RABGAP1L: variants seen among roughly 807,000 people sequenced by gnomAD.
The protein encoded by RABGAP1L is RAB GTPase activating protein 1 like.
RABGAP1L carries 63 observed loss-of-function variants against 137.7 expected under a neutral mutation model. The observed-to-expected ratio is 0.46, with a 90% CI of 0.37 to 0.56. RABGAP1L has a LOEUF of 0.56. Among genes scored for constraint, RABGAP1L ranks in the 20% least tolerant of loss-of-function variants. The pLI is 0.00. For missense variants in RABGAP1L, 1,095 were observed against 1,244.0 expected, an observed-to-expected ratio of 0.88 and a Z score of 1.80; for synonymous variants, 431 against 433.7, an observed-to-expected ratio of 0.99 and a Z score of 0.08.
intron 19 of RABGAP1L, among the ~76,000 whole-genome samples, chr1:174,913,623 G>T (rs1177018672): frequency 6.6e-6 from 1 of 152,164 alleles, no homozygotes; most frequent in African/African-American, 2.4e-5. Flanking sequence ...CTCTTCTCCT[G>T]GTTGGTTGCC....
At chr1:174,300,822 C>T (rs10912758) in intron 10 of RABGAP1L, among the ~76,000 whole-genome samples, 42,811 of 151,896 alleles carry the variant, frequency 0.28, 6,588 homozygotes, top group African/African-American at 0.4. Context: ...GCCAAGGTGG[C>T]GCCACTGCAC....
chr1:174,890,721 G>T (rs1000412295), intron 19 of RABGAP1L, among the ~76,000 whole-genome samples: 1 of 151,782 alleles, frequency 6.6e-6, no homozygotes, highest in Non-Finnish European at 1.5e-5. Context: ...TCTTTTTTCA[G>T]AGCTCTTGGT....
At chr1:174,203,464 A>G (rs1027926240) in intron 1 of RABGAP1L, among the ~76,000 whole-genome samples, 4 of 152,184 alleles carry the variant, frequency 2.6e-5, no homozygotes, top group Non-Finnish European at 5.9e-5. Context: ...CCATTGGTCT[A>G]TGTGCCTGTT....
chr1:174,892,669 T>G (rs1258870876), intron 19 of RABGAP1L: 1 of 533,716 alleles, frequency 1.9e-6, no homozygotes, highest in African/African-American at 1.9e-5. Flanking sequence ...TTTGGGATGG[T>G]CCATCACTTG....
intron 13 of RABGAP1L, among the ~76,000 whole-genome samples, chr1:174,615,119 G>T (rs1671687756): frequency 6.6e-6 from 1 of 152,242 alleles, no homozygotes; most frequent in Admixed American, 6.5e-5. Context: ...CGTTGCTGGT[G>T]AGGAACTGCG....
rs1392567485 is a variant in RABGAP1L at position 174,448,220 on chromosome 1, G to C, written c.1710+54075G>C. ...ACTTGGATTTGGCCACTACAGTGTG[G>C]TGGATGTCTGCATCTTCGAGACAGT... On this transcript the variant is annotated intron_variant, in intron 13 of 25. Transcript: ENST00000681986. This position sits in a 1 kb window ranked among gnomAD's most constrained non-coding sequence, Gnocchi z 4.2. 1 of 1,614,090 alleles carries C rather than the reference G, an allele frequency of 6.2e-7. No homozygotes were observed. Among genetic ancestry groups the C allele is most frequent in the African/African-American group, 1.3e-5 (1 of 75,034 alleles).
intron 19 of RABGAP1L, among the ~76,000 whole-genome samples, chr1:174,900,075 C>G (rs78853323): frequency 0.021 from 3,198 of 152,306 alleles, 47 homozygotes; most frequent in Middle Eastern, 0.078. Flanking sequence ...CTAGCAATTG[C>G]AACTGTCCAC....
intron 11 of RABGAP1L, among the ~76,000 whole-genome samples, chr1:174,350,067 G>C (rs1205355326): frequency 2.3e-3 from 314 of 134,048 alleles, no homozygotes; most frequent in African/African-American, 8.9e-3. Context: ...TCCCGGACGG[G>C]GCGGCTGGCT....
chr1:174,699,444 A>G, intron 15 of RABGAP1L, 81 bp from the exon 16 acceptor site: 1 of 1,337,158 alleles, frequency 7.5e-7, no homozygotes, highest in Non-Finnish European at 1.0e-6. Flanking sequence ...TATGCAGAGG[A>G]CTAATAACAT....
At chr1:174,640,692 A>G (rs1285324099) in intron 14 of RABGAP1L, among the ~76,000 whole-genome samples, 1 of 151,990 alleles carries the variant, frequency 6.6e-6, no homozygotes, top group East Asian at 1.9e-4. Context: ...CTGCTTTGCT[A>G]TATGTAAATA....
intron 20 of RABGAP1L, among the ~76,000 whole-genome samples, chr1:174,965,280 T>C (rs908011004): frequency 6.6e-5 from 10 of 152,216 alleles, no homozygotes; most frequent in African/African-American, 2.4e-4. Flanking sequence ...GCCTGTTTTG[T>C]TTACAGGCTT....
chr1:174,366,644 G>A (rs1684635590), intron 11 of RABGAP1L, among the ~76,000 whole-genome samples: 1 of 151,688 alleles, frequency 6.6e-6, no homozygotes, highest in African/African-American at 2.4e-5. Context: ...GTTTGGTGGC[G>A]GGCCCCTGTA....
At chr1:174,856,238 T>A (rs369464223) in intron 19 of RABGAP1L, among the ~76,000 whole-genome samples, 9 of 151,902 alleles carry the variant, frequency 5.9e-5, no homozygotes, top group African/African-American at 2.2e-4. Flanking sequence ...CTACTAAAAC[T>A]ACAAAAAATT....
chr1:174,322,827 A>G (rs542878615), intron 11 of RABGAP1L, among the ~76,000 whole-genome samples: 1 of 152,234 alleles, frequency 6.6e-6, no homozygotes, highest in African/African-American at 2.4e-5. Flanking sequence ...AGCTGTGCAC[A>G]TTATTTTCTG....
At chr1:174,316,009 A>G (rs1171695841) in intron 11 of RABGAP1L, among the ~76,000 whole-genome samples, 1 of 151,918 alleles carries the variant, frequency 6.6e-6, no homozygotes, top group Non-Finnish European at 1.5e-5. Flanking sequence ...TGCCTCATCA[A>G]TTTTGCTATT....
intron 15 of RABGAP1L, among the ~76,000 whole-genome samples, chr1:174,697,101 C>T (rs974676765): frequency 5.3e-5 from 8 of 152,192 alleles, no homozygotes; most frequent in African/African-American, 1.9e-4. Context: ...ATCTCTGTAT[C>T]CCTAAAGCCT....
chr1:174,577,210 TACACACACACACACACACACAC>T lies in RABGAP1L; in HGVS notation c.1711-60131_1711-60110del, dbSNP rs67709003. On this transcript the variant is annotated intron_variant, in intron 13 of 25. Transcript: ENST00000681986. ...GACCCTGTCTGTTAGGGGGAAAAAA[TACACACACACACACACACACAC>T]ACACACACACACACACACACACACA... Among the ~76,000 whole-genome samples the T allele has an allele frequency of 1.6e-3, 202 of 127,084 alleles. 1 individual carries two copies. Among genetic ancestry groups the T allele is most frequent in the African/African-American group, 5.0e-3 (166 of 33,154 alleles). 83.4% of individuals were successfully genotyped at this position (127,084 alleles called of 152,430 possible).
intron 1 of RABGAP1L, among the ~76,000 whole-genome samples, chr1:174,196,950 T>C (rs1324042921): frequency 6.6e-6 from 1 of 152,200 alleles, no homozygotes; most frequent in Non-Finnish European, 1.5e-5. Flanking sequence ...TGAGATGTTT[T>C]ATAACAAAGG....
At chr1:174,337,670 A>T (rs1681605412) in intron 11 of RABGAP1L, among the ~76,000 whole-genome samples, 1 of 152,186 alleles carries the variant, frequency 6.6e-6, no homozygotes, top group African/African-American at 2.4e-5. Flanking sequence ...GAACTAGGGT[A>T]CTGGCCCTAG....
Sources: gnomAD v4.1 joint callset for allele counts (sites outside exome capture counted in the v4.1 genomes callset) on GRCh38, gnomAD v4.1.1 for gene constraint, Gnocchi (gnomAD v3.1) non-coding constraint, MANE v1.5 for transcripts, NCBI Gene and HGNC (gene_info 2026-07-23, HGNC 2026-07-21) for gene names.